Variants in TMEM156 observed in about 807,000 individuals in gnomAD.
TMEM156 encodes the protein transmembrane protein 156.
TMEM156 carries 28 observed loss-of-function variants against 30.5 expected under a neutral mutation model. The observed-to-expected ratio is 0.92, with a 90% CI of 0.68 to 1.26. TMEM156 has a LOEUF of 1.26. Among genes scored for constraint, TMEM156 ranks in the 50% most tolerant of loss-of-function variants. The pLI, the probability that TMEM156 is intolerant of heterozygous loss-of-function variation, is 0.00. For missense variants in TMEM156, 351 were observed against 340.6 expected, an observed-to-expected ratio of 1.03 and a Z score of -0.24; for synonymous variants, 137 against 119.9, an observed-to-expected ratio of 1.14 and a Z score of -0.93.
rs76881126 is a variant in TMEM156 at position 38,981,493 on chromosome 4, A to G, written c.823+4843T>C. 9.6e-3 allele frequency among the ~76,000 whole-genome samples: 1,465 copies of G among 152,272 alleles called. 23 individuals are homozygous for G. Among genetic ancestry groups the G allele is most frequent in the African/African-American group, 0.033 (1,389 of 41,544 alleles). ...ACAAAATGTTTTGTCTCAGTTTCCA[A>G]TGAGAAACTGAAAATGCAAAAGAGC... is the stretch of plus-strand genomic sequence containing the variant. On this transcript the variant is annotated intron_variant, in intron 5 of 6. Coordinates refer to ENST00000381938, the MANE Select transcript of TMEM156 (RefSeq NM_024943.3).
In TMEM156 at chr4:38,992,757, T is replaced by TATAATATATATATAATATATA; in HGVS notation, c.619+980_619+981insTATATATTATATATATATTAT. On this transcript the variant is annotated intron_variant, in intron 3 of 6. Coordinates refer to ENST00000381938, the MANE Select transcript of TMEM156 (RefSeq NM_024943.3). The stretch of plus-strand genomic sequence containing the variant: ...TATAATATATAATATATTATATATA[T>TATAATATATATATAATATATA]ATATATTTTTTTTTGTCTTTTCAAG... Among the ~76,000 whole-genome samples the TATAATATATATATAATATATA allele has an allele frequency of 6.1e-5, 4 of 65,504 alleles. No individual in the cohort carries two copies. The Admixed American group carries it at 8.2e-4, about 14-fold the overall frequency. The allele number at this position is 65,504 out of a possible 152,430, so 43.0% of individuals were successfully genotyped here.
chr4:38,977,499 A>G (rs1465496491), intron 5 of TMEM156, among the ~76,000 whole-genome samples: 1 of 152,226 alleles, frequency 6.6e-6, no homozygotes, highest in African/African-American at 2.4e-5. Flanking sequence ...AAATTGATTA[A>G]AAGGCAAAAA....
At chr4:39,011,191 C>CA (rs1390680346) in intron 1 of TMEM156, among the ~76,000 whole-genome samples, 1 of 152,134 alleles carries the variant, frequency 6.6e-6, no homozygotes, top group Non-Finnish European at 1.5e-5. Context: ...AGATATAAAT[C>CA]AAAACCACAA....
intron 2 of TMEM156, among the ~76,000 whole-genome samples, chr4:38,997,483 C>T (rs1713015402): frequency 6.6e-6 from 1 of 152,080 alleles, no homozygotes. Context: ...ATGAAAACAA[C>T]AGAAAAACAA....
intron 1 of TMEM156, 66 bp from the exon 2 acceptor site, chr4:38,998,975 T>C: frequency 7.1e-7 from 1 of 1,416,316 alleles, no homozygotes; most frequent in Non-Finnish European, 9.5e-7. Context: ...TTCAAATAAA[T>C]ACACAGTATG....
intron 3 of TMEM156, among the ~76,000 whole-genome samples, chr4:38,991,574 AAG>A (rs1248993410): frequency 6.6e-6 from 1 of 151,894 alleles, no homozygotes; most frequent in African/African-American, 2.4e-5. Context: ...CGCAGAATAC[AAG>A]AGTACATATT....
At position 39,032,287 on chromosome 4, in the gene TMEM156, T is replaced by C. The variant is rs936040951; in HGVS notation, c.27A>G (p.Leu9=). 8.1e-6 allele frequency: 13 copies of C among 1,609,998 alleles called. No individual in the cohort carries two copies. The highest frequency in any genetic ancestry group is 3.3e-4 in the Middle Eastern group (2 of 6,072). The change falls in exon 1 of 7, where the codon TTA becomes TTG. Residue 9 remains leucine, a synonymous_variant. Coordinates refer to ENST00000381938, the MANE Select transcript of TMEM156 (RefSeq NM_024943.3). ...TGAATGTGATCACTATTGCCACAAATAATTTAAGGAGGGCTGTTTTTGTCA... is the reference window on the plus strand; with the variant it reads ...TGAATGTGATCACTATTGCCACAAACAATTTAAGGAGGGCTGTTTTTGTCA... The part of the protein sequence containing the change: MTKTALLK[L]FVAIVITFIL...
chr4:38,988,768 A>C, intron 4 of TMEM156, 83 bp downstream of exon 4: 1 of 1,567,154 alleles, frequency 6.4e-7, no homozygotes, highest in South Asian at 1.2e-5. Flanking sequence ...TAGGTGCACA[A>C]GAAATGCTAA....
chr4:39,000,956 C>T (rs1339366388), intron 1 of TMEM156, among the ~76,000 whole-genome samples: 2 of 151,966 alleles, frequency 1.3e-5, no homozygotes, highest in African/African-American at 4.8e-5. Context: ...TTCATCTTTC[C>T]TTTAGGACAG....
rs766128557 is a variant in TMEM156 at position 38,998,716 on chromosome 4, A to G, written c.282T>C (p.Phe94=). The part of the protein sequence containing the change: ...TRTCQDITGE[F]KMCSSCLVCE... Reference sequence around the variant, plus strand: ...AAACCAAACACGAGGAGCACATTTTAAATTCACCTGTGATGTCTTGGCAAG... The same window carrying G: ...AAACCAAACACGAGGAGCACATTTTGAATTCACCTGTGATGTCTTGGCAAG... The change falls in exon 2 of 7, where the codon TTT becomes TTC. Residue 94 remains phenylalanine, a synonymous_variant. Transcript: ENST00000381938. 1 of 1,613,906 alleles carries G rather than the reference A, an allele frequency of 6.2e-7. No homozygotes were observed. Among genetic ancestry groups the G allele is most frequent in the Non-Finnish European group, 8.5e-7 (1 of 1,179,910 alleles).
At chr4:39,015,777 T>C (rs1714439842) in intron 1 of TMEM156, among the ~76,000 whole-genome samples, 1 of 152,182 alleles carries the variant, frequency 6.6e-6, no homozygotes, top group Non-Finnish European at 1.5e-5. Context: ...CAGTGGGAGA[T>C]AATTGAATCA....
At chr4:38,996,672 C>A (rs116105411) in intron 2 of TMEM156, among the ~76,000 whole-genome samples, 2,557 of 152,242 alleles carry the variant, frequency 0.017, 73 homozygotes, top group African/African-American at 0.056. Flanking sequence ...GGTCCGGCTA[C>A]TATGGAAAAC....
chr4:39,021,753 A>G (rs1714885433), intron 1 of TMEM156, among the ~76,000 whole-genome samples: 2 of 152,172 alleles, frequency 1.3e-5, no homozygotes, highest in Non-Finnish European at 2.9e-5. Context: ...GTTTCCTTCT[A>G]GTAGTTTTAC....
At chr4:39,001,667 A>T (rs1351759718) in intron 1 of TMEM156, among the ~76,000 whole-genome samples, 1 of 150,966 alleles carries the variant, frequency 6.6e-6, no homozygotes, top group Non-Finnish European at 1.5e-5. Context: ...ACAGCATGGT[A>T]CTGGTACCAA....
In TMEM156 at chr4:38,998,737, G is replaced by A; in HGVS notation, c.261C>T (p.Cys87=). The A allele has an allele frequency of 6.2e-7, 1 of 1,613,722 alleles. No individual in the cohort carries two copies. The highest frequency in any genetic ancestry group is 1.7e-4 in the Middle Eastern group (1 of 6,060). ...TTTTAAATTCACCTGTGATGTCTTG[G>A]CAAGTCCTGGTGAAGTTACGAAAAT... is the stretch of plus-strand genomic sequence containing the variant. ...PSNFRNFTRT[C]QDITGEFKMC... The change falls in exon 2 of 7, where the codon TGC becomes TGT. Residue 87 remains cysteine, a synonymous_variant. Coordinates refer to ENST00000381938, the MANE Select transcript of TMEM156 (RefSeq NM_024943.3).
chr4:39,011,988 G>A (rs1714153429), intron 1 of TMEM156, among the ~76,000 whole-genome samples: 2 of 152,066 alleles, frequency 1.3e-5, no homozygotes, highest in African/African-American at 2.4e-5. Flanking sequence ...ACACAAAGAC[G>A]GGCTCAACAG....
Position 39,030,289 on chromosome 4 carries a change from G to T in TMEM156, c.88+1937C>A, listed in dbSNP as rs114275553. ...ATTTTAAGTTTGGGAAGGCAGTAAA[G>T]GTAGTATTGGGAGCTGATATAACCA... On this transcript the variant is annotated intron_variant, in intron 1 of 6. Transcript: ENST00000381938. 9.3e-3 allele frequency among the ~76,000 whole-genome samples: 1,410 copies of T among 152,130 alleles called. 21 individuals are homozygous for T. Among genetic ancestry groups the T allele is most frequent in the African/African-American group, 0.033 (1,350 of 41,492 alleles).
chr4:38,978,908 G>T (rs527445465), intron 5 of TMEM156, among the ~76,000 whole-genome samples: 2 of 152,038 alleles, frequency 1.3e-5, no homozygotes, highest in African/African-American at 4.8e-5. Context: ...TGAGGCTCCC[G>T]AAATGTTGGA....
chr4:39,008,280 C>A (rs999578106), intron 1 of TMEM156, among the ~76,000 whole-genome samples: 2 of 152,022 alleles, frequency 1.3e-5, no homozygotes, highest in African/African-American at 4.8e-5. Flanking sequence ...GCAATTTAAG[C>A]AAATTCTCTT....
Sources: allele counts gnomAD v4.1 joint callset (sites outside exome capture counted in the v4.1 genomes callset), GRCh38; gene constraint gnomAD v4.1.1; transcripts MANE v1.5; gene names NCBI Gene and HGNC (gene_info 2026-07-23, HGNC 2026-07-21).